PDE4B: variants seen among roughly 807,000 people sequenced by gnomAD.
The protein encoded by PDE4B is phosphodiesterase 4B.
Under a neutral mutation model 82.2 loss-of-function variants are expected in PDE4B, and 20 were observed. The ratio of observed to expected loss-of-function variants is 0.24; its 90% CI spans 0.17 to 0.35. The LOEUF is 0.35. Among genes scored for constraint, PDE4B ranks in the 10% least tolerant of loss-of-function variants. The pLI, the probability that PDE4B is intolerant of heterozygous loss-of-function variation, is 1.00. For synonymous variants in PDE4B, 320 were observed against 318.9 expected (o/e 1.00, Z -0.04); for missense variants, 655 against 907.2 (o/e 0.72, Z 3.57).
At chr1:66,316,830 G>T (rs1373691659) in intron 7 of PDE4B, among the ~76,000 whole-genome samples, 1 of 152,174 alleles carries the variant, frequency 6.6e-6, no homozygotes, top group Non-Finnish European at 1.5e-5. Context: ...GAAATGCCAA[G>T]AAAACCATAG....
At chr1:66,172,354 A>C (rs922960690) in intron 3 of PDE4B, among the ~76,000 whole-genome samples, 1 of 152,318 alleles carries the variant, frequency 6.6e-6, no homozygotes, top group Admixed American at 6.5e-5. Context: ...TTCACTGTGA[A>C]TGGGCACCTA....
At chr1:66,247,740 T>G (rs1557658342) in intron 4 of PDE4B, 86 bp downstream of exon 4, 1 of 975,530 alleles carries the variant, frequency 1.0e-6, no homozygotes, top group Non-Finnish European at 1.5e-6. Flanking sequence ...AATTCCCCAT[T>G]AATCTATGGT....
chr1:66,118,572 G>A (rs558662890), intron 3 of PDE4B, among the ~76,000 whole-genome samples: 52 of 152,120 alleles, frequency 3.4e-4, no homozygotes, highest in African/African-American at 1.2e-3. Flanking sequence ...GTTGTGGGGT[G>A]GGGGGAAGGG....
intron 4 of PDE4B, among the ~76,000 whole-genome samples, chr1:66,252,942 AAAAT>A (rs976702232): frequency 1.3e-5 from 2 of 152,196 alleles, no homozygotes; most frequent in Non-Finnish European, 2.9e-5. Context: ...CTGTCTCCAA[AAAAT>A]AAATAAATAA....
intron 1 of PDE4B, among the ~76,000 whole-genome samples, chr1:65,823,368 C>T (rs1184328409): frequency 6.9e-6 from 1 of 145,678 alleles, no homozygotes; most frequent in African/African-American, 2.6e-5. Flanking sequence ...TGTACTACAG[C>T]CTGGCCGACA....
intron 3 of PDE4B, among the ~76,000 whole-genome samples, chr1:66,211,193 G>A (rs1385216412): frequency 1.3e-5 from 2 of 152,170 alleles, no homozygotes; most frequent in Admixed American, 6.6e-5. Flanking sequence ...AATATTACAA[G>A]GTTTATAGAT....
intron 3 of PDE4B, among the ~76,000 whole-genome samples, chr1:65,976,058 C>T (rs191510133): frequency 3.0e-3 from 457 of 152,184 alleles, no homozygotes; most frequent in East Asian, 7.4e-3. Context: ...GTAGATCCAT[C>T]GACAGCTTGC....
intron 3 of PDE4B, among the ~76,000 whole-genome samples, chr1:66,157,593 A>G (rs1393351337): frequency 6.6e-6 from 1 of 152,146 alleles, no homozygotes; most frequent in Admixed American, 6.5e-5. Context: ...CTCAAAGGTA[A>G]TCTCTCTTCC....
At chr1:66,081,092 C>G (rs1479956872) in intron 3 of PDE4B, among the ~76,000 whole-genome samples, 2 of 152,126 alleles carry the variant, frequency 1.3e-5, no homozygotes, top group African/African-American at 2.4e-5. Flanking sequence ...CTGACTTACT[C>G]ACGGCTACTG....
intron 1 of PDE4B, among the ~76,000 whole-genome samples, chr1:65,907,041 C>A (rs989926146): frequency 6.6e-6 from 1 of 152,132 alleles, no homozygotes; most frequent in African/African-American, 2.4e-5. Flanking sequence ...ATGTTTGTGT[C>A]TAAATATTGA....
chr1:65,937,721 T>C (rs1026643916), intron 3 of PDE4B, among the ~76,000 whole-genome samples: 1 of 152,292 alleles, frequency 6.6e-6, no homozygotes, highest in Non-Finnish European at 1.5e-5. Context: ...TAATGGACAA[T>C]GGATATTTAA....
chr1:66,185,118 G>T (rs1348622062), intron 3 of PDE4B, among the ~76,000 whole-genome samples: 1 of 152,014 alleles, frequency 6.6e-6, no homozygotes, highest in Non-Finnish European at 1.5e-5. Flanking sequence ...GCGATAGTTT[G>T]CTGAGAATGA....
intron 7 of PDE4B, among the ~76,000 whole-genome samples, chr1:66,291,597 C>A (rs1391370905): frequency 2.6e-5 from 4 of 152,136 alleles, no homozygotes; most frequent in Non-Finnish European, 5.9e-5. Flanking sequence ...TGAAAGCAAA[C>A]ATCCTGTTAC....
chr1:66,284,995 G>T (rs1175330136), intron 7 of PDE4B, among the ~76,000 whole-genome samples: 1 of 152,118 alleles, frequency 6.6e-6, no homozygotes, highest in Non-Finnish European at 1.5e-5. Context: ...TTGATGAATT[G>T]GGATTACTTG....
At chr1:65,891,670 T>A (rs935071566) in intron 1 of PDE4B, among the ~76,000 whole-genome samples, 1 of 152,112 alleles carries the variant, frequency 6.6e-6, no homozygotes, top group African/African-American at 2.4e-5. Context: ...TTGTTTGATA[T>A]TTCAGTGCTT....
intron 4 of PDE4B, 81 bp downstream of exon 4, chr1:66,247,735 C>G (rs1376476522): frequency 9.7e-7 from 1 of 1,033,910 alleles, no homozygotes; most frequent in East Asian, 2.5e-5. Flanking sequence ...ACAACAATTC[C>G]CCATTAATCT....
intron 3 of PDE4B, among the ~76,000 whole-genome samples, chr1:65,967,254 C>T (rs1649883786): frequency 6.6e-6 from 1 of 152,176 alleles, no homozygotes; most frequent in Non-Finnish European, 1.5e-5. Context: ...CAAAAGAAGA[C>T]ATTTATACAG....
intron 3 of PDE4B, among the ~76,000 whole-genome samples, chr1:65,962,455 ATG>A (rs1217228694): frequency 1.3e-5 from 2 of 152,036 alleles, no homozygotes; most frequent in Non-Finnish European, 2.9e-5. Context: ...GGGACATAGG[ATG>A]TGTGTGGCTT....
At chr1:66,250,761 A>G (rs1478816623) in intron 4 of PDE4B, among the ~76,000 whole-genome samples, 1 of 152,220 alleles carries the variant, frequency 6.6e-6, no homozygotes, top group Non-Finnish European at 1.5e-5. Context: ...GGCCAGTTTT[A>G]CTGCTGAAAA....
Sources: allele counts gnomAD v4.1 joint callset (sites outside exome capture counted in the v4.1 genomes callset), GRCh38; gene constraint gnomAD v4.1.1; transcripts MANE v1.5; gene names NCBI Gene and HGNC (gene_info 2026-07-23, HGNC 2026-07-21).